Variants in ERC2 observed in about 807,000 individuals in gnomAD.
The protein encoded by ERC2 is ELKS/RAB6-interacting/CAST family member 2.
A neutral mutation model predicts 114.8 loss-of-function variants in ERC2; 42 were observed. The observed-to-expected ratio is 0.37, with a 90% CI of 0.29 to 0.47. The LOEUF (loss-of-function observed/expected upper bound fraction) is 0.47, where lower values mean the gene tolerates loss of function less well. ERC2 is among the 20% of genes least tolerant of loss of function. ERC2 has a pLI of 0.99. For synonymous variants in ERC2, 454 were observed against 425.5 expected (o/e 1.07, Z -0.82); for missense variants, 939 against 1,150.7 (o/e 0.82, Z 2.66).
At chr3:55,795,574 C>T (rs562109377) in intron 14 of ERC2, among the ~76,000 whole-genome samples, 17 of 152,294 alleles carry the variant, frequency 1.1e-4, no homozygotes, top group African/African-American at 4.1e-4. Context: ...TCTGTAACTC[C>T]ACCTCTCCAC....
At chr3:55,623,425 T>G (rs1049472043) in intron 17 of ERC2, among the ~76,000 whole-genome samples, 1 of 152,224 alleles carries the variant, frequency 6.6e-6, no homozygotes, top group Admixed American at 6.5e-5. Context: ...AGAATCAGTA[T>G]GTCAGTATGT....
At chr3:56,155,849 GAGCATGTA>G (rs1407424298) in intron 4 of ERC2, among the ~76,000 whole-genome samples, 2 of 152,136 alleles carry the variant, frequency 1.3e-5, no homozygotes, top group Non-Finnish European at 1.5e-5. Flanking sequence ...AATGAATACA[GAGCATGTA>G]TGTATCAAGG....
chr3:55,645,845 C>G (rs558632261), intron 17 of ERC2, among the ~76,000 whole-genome samples: 44 of 152,198 alleles, frequency 2.9e-4, no homozygotes, highest in African/African-American at 1.1e-3. Context: ...AAGGGAAAAC[C>G]AAGGTGAATC....
chr3:56,426,492 C>T (rs1480459169), intron 2 of ERC2, among the ~76,000 whole-genome samples: 5 of 152,224 alleles, frequency 3.3e-5, no homozygotes, highest in Admixed American at 3.3e-4. Context: ...TTCCACTCCC[C>T]CTCTGCCTTG....
intron 3 of ERC2, among the ~76,000 whole-genome samples, chr3:56,191,576 C>G (rs931368050): frequency 3.9e-5 from 6 of 152,108 alleles, no homozygotes; most frequent in Non-Finnish European, 8.8e-5. Context: ...CCTAAGTGCT[C>G]AGATGAAGGA....
rs568750727 is a variant in ERC2 at position 55,985,853 on chromosome 3, T to A, written c.2267+124A>T. 3.7e-6 allele frequency: 3 copies of A among 819,598 alleles called. No homozygotes were observed. In the South Asian group the frequency reaches 4.8e-5, roughly 13 times the overall value. 50.8% of individuals were successfully genotyped at this position (819,598 alleles called of 1,614,324 possible). A position where few individuals can be genotyped will look rare whatever the true frequency, so the allele number is the denominator to read the frequency against. On this transcript the variant is annotated intron_variant, in intron 12 of 17. Coordinates refer to ENST00000288221, the MANE Select transcript of ERC2 (RefSeq NM_015576.3). ...AACCTTCCCAAGGCATGGAATGAAA[T>A]GAGCGGGGGGAAATGCAGTGGCCCG...
chr3:55,955,824 A>C (rs1000103521), intron 12 of ERC2, among the ~76,000 whole-genome samples: 1 of 152,236 alleles, frequency 6.6e-6, no homozygotes, highest in Non-Finnish European at 1.5e-5. Flanking sequence ...CAGCCATATG[A>C]ATCTTCTAGG....
chr3:55,598,419 A>G (rs1043638639), intron 17 of ERC2, among the ~76,000 whole-genome samples: 1 of 152,252 alleles, frequency 6.6e-6, no homozygotes, highest in Non-Finnish European at 1.5e-5. Context: ...TGAAATGCTC[A>G]TAACATTAGT....
chr3:55,845,503 C>CAAAAAAAAAA (rs764740068), intron 14 of ERC2, among the ~76,000 whole-genome samples: 7 of 64,032 alleles, frequency 1.1e-4, no homozygotes, highest in South Asian at 6.0e-4. Flanking sequence ...GACTCCGTCT[C>CAAAAAAAAAA]AAAAAAAAAA....
At chr3:55,560,924 G>A (rs1270480342) in intron 17 of ERC2, among the ~76,000 whole-genome samples, 1 of 152,152 alleles carries the variant, frequency 6.6e-6, no homozygotes, top group Non-Finnish European at 1.5e-5. Context: ...GGCCCAGTAA[G>A]CCCCTAATAT....
chr3:56,027,218 G>A (rs2074105096), intron 7 of ERC2, among the ~76,000 whole-genome samples: 1 of 152,146 alleles, frequency 6.6e-6, no homozygotes, highest in African/African-American at 2.4e-5. Flanking sequence ...TTTACCTGCT[G>A]AAGGACATTT....
At chr3:55,736,096 A>G (rs2065617717) in intron 14 of ERC2, among the ~76,000 whole-genome samples, 1 of 152,186 alleles carries the variant, frequency 6.6e-6, no homozygotes, top group African/African-American at 2.4e-5. Context: ...GGGGACCACT[A>G]CAAAAGCTTA....
intron 14 of ERC2, among the ~76,000 whole-genome samples, chr3:55,882,183 G>C (rs1438957752): frequency 6.6e-6 from 1 of 151,966 alleles, no homozygotes; most frequent in Non-Finnish European, 1.5e-5. Context: ...AGAGCTGATT[G>C]TTAAAAAGAG....
intron 14 of ERC2, among the ~76,000 whole-genome samples, chr3:55,753,283 T>C (rs934243243): frequency 1.3e-5 from 2 of 152,168 alleles, no homozygotes; most frequent in African/African-American, 2.4e-5. Flanking sequence ...AGGGGTAACA[T>C]AGAAAGACAG....
intron 13 of ERC2, among the ~76,000 whole-genome samples, chr3:55,920,415 A>AACAC (rs10560997): frequency 0.049 from 7,218 of 146,740 alleles, 187 homozygotes; most frequent in Non-Finnish European, 0.059. Flanking sequence ...GGCACACTAA[A>AACAC]ACACACACAC....
rs114451777 is a variant in ERC2 at position 56,300,659 on chromosome 3, C to A, written c.658-4224G>T. Among the ~76,000 whole-genome samples the A allele has an allele frequency of 4.0e-3, 611 of 152,304 alleles. 3 individuals are homozygous for A. Among genetic ancestry groups the A allele is most frequent in the Non-Finnish European group, 5.7e-3 (389 of 68,028 alleles). ...ATGCATGGTCCTAAGGTGTCTTAAT[C>A]CTCAGAACCACCCTAAAAGGTAGCA... On this transcript the variant is annotated intron_variant, in intron 2 of 17. Coordinates refer to ENST00000288221, the MANE Select transcript of ERC2 (RefSeq NM_015576.3).
chr3:56,273,502 C>A (rs1365912585), intron 3 of ERC2, among the ~76,000 whole-genome samples: 1 of 152,050 alleles, frequency 6.6e-6, no homozygotes, highest in Non-Finnish European at 1.5e-5. Flanking sequence ...ATCTCAACCT[C>A]CCCAACTGTC....
intron 2 of ERC2, among the ~76,000 whole-genome samples, chr3:56,400,032 A>G (rs2060463593): frequency 6.6e-6 from 1 of 152,164 alleles, no homozygotes; most frequent in Non-Finnish European, 1.5e-5. Context: ...CAAAAAAAAA[A>G]AACTATAGCA....
chr3:55,592,743 A>G (rs368489227), intron 17 of ERC2, among the ~76,000 whole-genome samples: 1 of 152,224 alleles, frequency 6.6e-6, no homozygotes, highest in Non-Finnish European at 1.5e-5. Context: ...AAATACGTGT[A>G]GACACCTACG....
Sources: allele counts gnomAD v4.1 joint callset (sites outside exome capture counted in the v4.1 genomes callset), GRCh38; gene constraint gnomAD v4.1.1; transcripts MANE v1.5; gene names NCBI Gene and HGNC (gene_info 2026-07-23, HGNC 2026-07-21).